Variants in OPRL1 observed in about 807,000 individuals in gnomAD.
The protein encoded by OPRL1 is opioid related nociceptin receptor 1.
OPRL1 carries 5 observed loss-of-function variants against 15.5 expected under a neutral mutation model. The ratio of observed to expected loss-of-function variants is 0.32; its 90% CI spans 0.17 to 0.68. The LOEUF (loss-of-function observed/expected upper bound fraction) is 0.68, where lower values mean the gene tolerates loss of function less well. Ranked by LOEUF, OPRL1 falls within the 30% of genes least tolerant of loss-of-function variation. OPRL1 has a pLI of 0.72. For missense variants in OPRL1, 406 were observed against 515.3 expected, an observed-to-expected ratio of 0.79 and a Z score of 2.05; for synonymous variants, 223 against 230.2, an observed-to-expected ratio of 0.97 and a Z score of 0.28.
Position 64,097,289 on chromosome 20 carries a change from G to A in OPRL1, c.234-513G>A, listed in dbSNP as rs1039338601. ...CTCCTGTCCCCCCGTCACCATTTTC[G>A]GTCTCCATTGCTAGGCAGCAGTGTG... is the stretch of plus-strand genomic sequence containing the variant. On this transcript the variant is annotated intron_variant, in intron 3 of 4. Transcript: ENST00000336866. The surrounding 1 kb of genome is among the most constrained non-coding windows in gnomAD (Gnocchi z 4.2). 2.6e-5 allele frequency among the ~76,000 whole-genome samples: 4 copies of A among 151,960 alleles called. No homozygotes were observed. The highest frequency in any genetic ancestry group is 6.6e-5 in the Admixed American group (1 of 15,246).
intron 1 of OPRL1, among the ~76,000 whole-genome samples, chr20:64,087,186 C>T (rs931062272): frequency 2.6e-5 from 2 of 78,130 alleles, no homozygotes; most frequent in Admixed American, 1.3e-4. Flanking sequence ...TGCTGTCATT[C>T]GCGTGTCATC....
In OPRL1 at chr20:64,083,368, A is replaced by T; in HGVS notation, c.-185+3016A>T. On this transcript the variant is annotated intron_variant, in intron 1 of 4. Transcript: ENST00000336866. This position sits in a 1 kb window ranked among gnomAD's most constrained non-coding sequence, Gnocchi z 4.9. ...CCTGGGGAGTGGCAGCAAAAAGACCAGCGAGCCTTCGGAGAATTATAACTT... is the reference window on the plus strand; with the variant it reads ...CCTGGGGAGTGGCAGCAAAAAGACCTGCGAGCCTTCGGAGAATTATAACTT... 1 of 1,607,470 alleles carries T rather than the reference A, an allele frequency of 6.2e-7. No individual in the cohort carries two copies. Among genetic ancestry groups the T allele is most frequent in the African/African-American group, 1.3e-5 (1 of 74,626 alleles).
chr20:64,098,524 CAGGTCTTCGTGCTGGCCCA>C lies in OPRL1; in HGVS notation c.842_860del (p.Val281GlyfsTer86), dbSNP rs1185820809. ...GTTCGTGGGCTGCTGGACGCCTGTC[CAGGTCTTCGTGCTGGCCCA>C]AGGGCTGGGGGTTCAGCCGAGCAGC... On this transcript the variant is annotated frameshift_variant, in exon 5 of 5. Transcript: ENST00000336866. LOFTEE classifies it high-confidence loss of function. The C allele has an allele frequency of 6.2e-7, 1 of 1,612,770 alleles. No homozygotes were observed.
rs1051867650 is a variant in OPRL1, at chr20:64,097,658, C to T, written c.234-144C>T. On this transcript the variant is annotated intron_variant, in intron 3 of 4. Transcript: ENST00000336866. This position sits in a 1 kb window ranked among gnomAD's most constrained non-coding sequence, Gnocchi z 4.2. ...CTCAGGTTGGGTCCAGGAGCTATCA[C>T]TTACCAAGCCCCCATGGGAACTCTG... is the stretch of plus-strand genomic sequence containing the variant. 2.3e-5 allele frequency: 17 copies of T among 734,044 alleles called. No individual in the cohort carries two copies. The highest frequency in any genetic ancestry group is 3.9e-5 in the Non-Finnish European group (17 of 433,056). The allele number at this position is 734,044 out of a possible 1,614,324, so 45.5% of individuals were successfully genotyped here. A position where few individuals can be genotyped will look rare whatever the true frequency, so the allele number is the denominator to read the frequency against.
At chr20:64,084,278 C>T in intron 1 of OPRL1, 1 of 1,314,110 alleles carries the variant, frequency 7.6e-7, no homozygotes, top group Non-Finnish European at 9.7e-7. Flanking sequence ...GCACCGGGCC[C>T]TGCCCGCCCC....
chr20:64,096,823 AT>A, intron 3 of OPRL1, among the ~76,000 whole-genome samples: 1 of 38,888 alleles, frequency 2.6e-5, no homozygotes, highest in African/African-American at 9.5e-5. Flanking sequence ...CACCACCATC[AT>A]CACCATCATC....
rs1601624058 is a variant in OPRL1, at chr20:64,083,056, A to G, written c.-185+2704A>G. 1.3e-5 allele frequency among the ~76,000 whole-genome samples: 2 copies of G among 152,200 alleles called. No individual in the cohort carries two copies. The highest frequency in any genetic ancestry group is 4.8e-5 in the African/African-American group (2 of 41,524). On this transcript the variant is annotated intron_variant, in intron 1 of 4. Coordinates refer to ENST00000336866, the MANE Select transcript of OPRL1 (RefSeq NM_182647.4). The surrounding 1 kb of genome is among the most constrained non-coding windows in gnomAD (Gnocchi z 4.9). ...CCCCTGGTGGGATGACTCGCACTCG[A>G]GACCACTGCAGCCTGAGGCTACCCT...
chr20:64,093,044 C>G, intron 3 of OPRL1, 91 bp downstream of exon 3: 1 of 1,145,720 alleles, frequency 8.7e-7, no homozygotes, highest in Non-Finnish European at 1.2e-6. Flanking sequence ...TGGGCCTGAG[C>G]AGGTGTTGAT....
chr20:64,095,605 G>C (rs927520230), intron 3 of OPRL1, among the ~76,000 whole-genome samples: 8 of 151,696 alleles, frequency 5.3e-5, no homozygotes, highest in Non-Finnish European at 1.0e-4. Context: ...TTCAGGCAGT[G>C]GGGGGTTATG....
Position 64,083,178 on chromosome 20 carries a change from G to T in OPRL1, c.-185+2826G>T, listed in dbSNP as rs569943752. Among the ~76,000 whole-genome samples the T allele has an allele frequency of 6.6e-6, 1 of 152,196 alleles. No individual in the cohort carries two copies. Among genetic ancestry groups the T allele is most frequent in the South Asian group, 2.1e-4 (1 of 4,834 alleles). ...ACCCACAGAACGCCAGGTTGCCAGTGGGGGGCAGATCGGGATTAGGGGTAG... is the reference window on the plus strand; with the variant it reads ...ACCCACAGAACGCCAGGTTGCCAGTTGGGGGCAGATCGGGATTAGGGGTAG... On this transcript the variant is annotated intron_variant, in intron 1 of 4. Transcript: ENST00000336866. The surrounding 1 kb of genome is among the most constrained non-coding windows in gnomAD (Gnocchi z 4.9).
chr20:64,084,179 CGCG>C, intron 1 of OPRL1: 2 of 1,449,306 alleles, frequency 1.4e-6, no homozygotes, highest in Non-Finnish European at 1.8e-6. Context: ...GCTTCGCTCC[CGCG>C]GGCCCTTGCG....
At position 64,093,329 on chromosome 20, in the gene OPRL1, C is replaced by T. The variant is rs1025766318; in HGVS notation, c.233+376C>T. On this transcript the variant is annotated intron_variant, in intron 3 of 4. Transcript: ENST00000336866. ...CATTCCCTAGATGGGCGAAGGGAGG[C>T]GCAGGGGCTGGAGCTCGGACCGTTC... Among the ~76,000 whole-genome samples the T allele has an allele frequency of 3.3e-5, 5 of 149,578 alleles. No homozygotes were observed. In the South Asian group the frequency reaches 6.5e-4, roughly 19 times the overall value.
Position 64,098,822 on chromosome 20 carries a change from T to A in OPRL1, c.*23T>A. The A allele has an allele frequency of 1.0e-5, 16 of 1,568,034 alleles. No individual in the cohort carries two copies. The highest frequency in any genetic ancestry group is 1.3e-5 in the Non-Finnish European group (15 of 1,162,836). On this transcript the variant is annotated 3_prime_UTR_variant, in exon 5 of 5. Transcript: ENST00000336866. ...TGACTAGGCGTGGACCTGCCCATGGTGCCTGTCAGCCCGCAGAGCCCATCT... is the reference window on the plus strand; with the variant it reads ...TGACTAGGCGTGGACCTGCCCATGGAGCCTGTCAGCCCGCAGAGCCCATCT...
At chr20:64,084,403 C>T (rs4344972) in intron 1 of OPRL1, 3 of 1,271,166 alleles carry the variant, frequency 2.4e-6, no homozygotes, top group Non-Finnish European at 2.0e-6. Flanking sequence ...CTCTCCCAAG[C>T]GCACGTCCCC....
Position 64,083,728 on chromosome 20 carries a change from C to T in OPRL1, c.-185+3376C>T. 2 of 1,354,658 alleles carry T rather than the reference C, an allele frequency of 1.5e-6. No individual in the cohort carries two copies. Among genetic ancestry groups the T allele is most frequent in the Admixed American group, 4.0e-5 (1 of 25,114 alleles). 83.9% of individuals were successfully genotyped at this position (1,354,658 alleles called of 1,614,324 possible). A position where few individuals can be genotyped will look rare whatever the true frequency, so the allele number is the denominator to read the frequency against. On this transcript the variant is annotated intron_variant, in intron 1 of 4. Transcript: ENST00000336866. The surrounding 1 kb of genome is among the most constrained non-coding windows in gnomAD (Gnocchi z 4.9). The stretch of plus-strand genomic sequence containing the variant: ...GGCCTGCGGGGCCCGGGTAGCTGAG[C>T]GCGCGCCGAGCCCCGCCCCGCCCCG...
chr20:64,090,749 C>A lies in OPRL1; in HGVS notation c.-184-1217C>A, dbSNP rs1232771680. ...TGATGCTCAGCCACTGATCTGGGGC[C>A]CAGCTGTGGCAGAGGTGCCCTGGGC... On this transcript the variant is annotated intron_variant, in intron 1 of 4. Transcript: ENST00000336866. The surrounding 1 kb of genome is among the most constrained non-coding windows in gnomAD (Gnocchi z 4.9). 6.6e-6 allele frequency among the ~76,000 whole-genome samples: 1 copy of A among 151,512 alleles called. No homozygotes were observed. Among genetic ancestry groups the A allele is most frequent in the Admixed American group, 6.6e-5 (1 of 15,264 alleles).
Position 64,084,279 on chromosome 20 carries a change from T to A in OPRL1, c.-185+3927T>A, listed in dbSNP as rs1297555805. ...CGGTGCCGGGGCTGGCACCGGGCCC[T>A]GCCCGCCCCTCGGCAGGGCCCCAAC... On this transcript the variant is annotated intron_variant, in intron 1 of 4. Transcript: ENST00000336866. The A allele has an allele frequency of 7.6e-6, 10 of 1,313,444 alleles. No individual in the cohort carries two copies. In the African/African-American group the frequency reaches 1.6e-4, roughly 20 times the overall value. 81.4% of individuals were successfully genotyped at this position (1,313,444 alleles called of 1,614,324 possible). A position where few individuals can be genotyped will look rare whatever the true frequency, so the allele number is the denominator to read the frequency against.
intron 1 of OPRL1, among the ~76,000 whole-genome samples, chr20:64,088,501 A>G (rs1283593874): frequency 6.8e-6 from 1 of 147,850 alleles, no homozygotes; most frequent in Non-Finnish European, 1.5e-5. Flanking sequence ...ACCAAGATCT[A>G]CGCACGGGGA....
At chr20:64,082,575 C>T (rs4519591) in intron 1 of OPRL1, among the ~76,000 whole-genome samples, 17,787 of 152,054 alleles carry the variant, frequency 0.12, 1,445 homozygotes, top group African/African-American at 0.24. Context: ...TGAGTTCCTG[C>T]GGTCCCGCTT....
Sources: allele counts gnomAD v4.1 joint callset (sites outside exome capture counted in the v4.1 genomes callset), GRCh38; gene constraint gnomAD v4.1.1; non-coding constraint Gnocchi (gnomAD v3.1); transcripts MANE v1.5; gene names NCBI Gene and HGNC (gene_info 2026-07-23, HGNC 2026-07-21).